The following ABCA4 variants were observed in gnomAD, a reference collection of about 807,000 sequenced individuals.
ABCA4 encodes the protein ATP binding cassette subfamily A member 4, also known as retinal-specific phospholipid-transporting ATPase ABCA4.
In ABCA4, 196 loss-of-function variants were observed where a neutral mutation model predicts 263.7. The ratio of observed to expected loss-of-function variants is 0.74; its 90% CI spans 0.66 to 0.84. ABCA4 has a LOEUF of 0.84. Among genes scored for constraint, ABCA4 ranks in the 40% least tolerant of loss-of-function variants. The probability of loss-of-function intolerance (pLI) is 0.00; values close to 1 mark genes in which losing one functional copy is unlikely to be tolerated. For missense variants in ABCA4, 2,792 were observed against 2,855.1 expected (o/e 0.98, Z 0.50); for synonymous variants, 1,133 against 1,094.2 (o/e 1.04, Z -0.70).
chr1:94,011,085 T>C (rs1659533405), intron 39 of ABCA4, among the ~76,000 whole-genome samples, 156 bp from the exon 40 acceptor site: 1 of 151,784 alleles, frequency 6.6e-6, no homozygotes, highest in African/African-American at 2.4e-5. Context: ...CTCCTGTGGC[T>C]CCCCAGCCAT....
Position 94,001,075 on chromosome 1 carries a change from C to T in ABCA4, c.6313G>A (p.Ala2105Thr), listed in dbSNP as rs749244504. 4 of 1,614,082 alleles carry T rather than the reference C, an allele frequency of 2.5e-6. No homozygotes were observed. In the East Asian group the frequency reaches 6.7e-5, roughly 27 times the overall value. The part of the protein sequence containing the change: ...DEPTTGMDPQ[A>T]RRMLWNVIVS... ...ATGACGTTCCACAGCATGCGGCGTG[C>T]CTGGGGGTCCATCCCTGTGGTGGGC... The change falls in exon 46 of 50, where the codon GCA (alanine) becomes ACA (threonine). Residue 2105 changes from alanine to threonine, a missense_variant. Ala to Thr is a moderately conservative substitution (Grantham distance 58). Transcript: ENST00000370225.
Position 94,074,872 on chromosome 1 carries a change from C to T in ABCA4, c.1554+2818G>A, listed in dbSNP as rs538218779. 9.2e-5 allele frequency among the ~76,000 whole-genome samples: 14 copies of T among 152,210 alleles called. No homozygotes were observed. In the East Asian group the frequency reaches 2.3e-3, roughly 25 times the overall value. ...AATCATTCTACTATAAAAATACATGCACATGTATGTTTACAATTGCAAAGA... is the reference window on the plus strand; with the variant it reads ...AATCATTCTACTATAAAAATACATGTACATGTATGTTTACAATTGCAAAGA... On this transcript the variant is annotated intron_variant, in intron 11 of 49. Transcript: ENST00000370225.
rs550842837 is a variant in ABCA4, at chr1:94,099,067, G to A, written c.571-76C>T. The A allele has an allele frequency of 2.8e-6, 4 of 1,454,428 alleles. No homozygotes were observed. The South Asian group carries it at 3.6e-5, about 13-fold the overall frequency. 90.1% of individuals were successfully genotyped at this position (1,454,428 alleles called of 1,614,324 possible). On this transcript the variant is annotated intron_variant, in intron 5 of 49. Transcript: ENST00000370225. Reference sequence around the variant, plus strand: ...CCCACGTCCTAACCCACAGAACCTGGGAATACCTTGTGTTACATGGCGACA... The same window carrying A: ...CCCACGTCCTAACCCACAGAACCTGAGAATACCTTGTGTTACATGGCGACA...
rs1303376091 is a variant in ABCA4 at position 94,002,011 on chromosome 1, T to A, written c.6148-19A>T. On this transcript the variant is annotated intron_variant, in intron 44 of 49. Transcript: ENST00000370225. ...TTGCAACCTAGGGAAGAGAAAGAAA[T>A]GCCATTTGGAGAAGACAAGCAAACA... 6.2e-7 allele frequency: 1 copy of A among 1,614,070 alleles called. No homozygotes were observed. The highest frequency in any genetic ancestry group is 8.5e-7 in the Non-Finnish European group (1 of 1,180,012).
intron 44 of ABCA4, among the ~76,000 whole-genome samples, chr1:94,004,530 CTG>C (rs1038362923): frequency 2.4e-4 from 37 of 152,310 alleles, no homozygotes; most frequent in African/African-American, 8.4e-4. Context: ...GAGTCAAACA[CTG>C]TGTTCAGCAG....
At chr1:94,066,202 A>T (rs551151468) in intron 11 of ABCA4, among the ~76,000 whole-genome samples, 1 of 152,350 alleles carries the variant, frequency 6.6e-6, no homozygotes, top group Admixed American at 6.5e-5. Context: ...AGTGTTTGTC[A>T]GTACTTAACC....
intron 17 of ABCA4, among the ~76,000 whole-genome samples, chr1:94,050,842 C>A (rs953570199): frequency 6.6e-6 from 1 of 152,176 alleles, no homozygotes; most frequent in Non-Finnish European, 1.5e-5. Context: ...TCAGTGCTTG[C>A]AGGATAAGTC....
chr1:94,007,151 A>G (rs756587815), intron 43 of ABCA4, among the ~76,000 whole-genome samples: 31 of 152,160 alleles, frequency 2.0e-4, no homozygotes, highest in Non-Finnish European at 3.5e-4. Flanking sequence ...CTAGAAACTC[A>G]ACCCAGAGGA....
intron 17 of ABCA4, 49 bp from the exon 18 acceptor site, chr1:94,049,006 G>A (rs772869787): frequency 8.2e-6 from 13 of 1,591,982 alleles, no homozygotes; most frequent in South Asian, 5.5e-5. Context: ...AGCTGAGAAC[G>A]AGCAAAGGCA....
At chr1:94,013,959 A>AT (rs1217468227) in intron 38 of ABCA4, among the ~76,000 whole-genome samples, 1 of 152,066 alleles carries the variant, frequency 6.6e-6, no homozygotes, top group Non-Finnish European at 1.5e-5. Context: ...TAGGAAGGAG[A>AT]TTTTTTCATT....
chr1:94,080,359 A>G, intron 8 of ABCA4, 119 bp downstream of exon 8: 3 of 1,407,380 alleles, frequency 2.1e-6, no homozygotes, highest in Admixed American at 1.7e-5. Context: ...CTCTTTACCT[A>G]AGGCCACTCA....
intron 32 of ABCA4, 151 bp from the exon 33 acceptor site, chr1:94,022,102 T>C (rs1659919643): frequency 1.4e-6 from 1 of 731,656 alleles, no homozygotes; most frequent in Non-Finnish European, 2.4e-6. Context: ...AGCTTTTAAC[T>C]CTTTTCCCAC....
chr1:94,067,248 T>C (rs1661293859), intron 11 of ABCA4, among the ~76,000 whole-genome samples: 1 of 152,210 alleles, frequency 6.6e-6, no homozygotes, highest in Non-Finnish European at 1.5e-5. Context: ...AAAATAAATA[T>C]ATTTTAGTAA....
chr1:94,105,715 T>C (rs1662413524), intron 4 of ABCA4, among the ~76,000 whole-genome samples: 1 of 151,920 alleles, frequency 6.6e-6, no homozygotes, highest in South Asian at 2.1e-4. Context: ...TTAAAGATGA[T>C]TGAGAGACCA....
chr1:94,018,208 TAC>T (rs3838274), intron 36 of ABCA4, among the ~76,000 whole-genome samples: 1 of 152,144 alleles, frequency 6.6e-6, no homozygotes, highest in African/African-American at 2.4e-5. Context: ...CGTGCACACA[TAC>T]ACACACACAG....
chr1:94,061,364 G>A lies in ABCA4; in HGVS notation c.1938-605C>T, dbSNP rs546137915. 102 of 160,178 alleles carry A rather than the reference G, an allele frequency of 6.4e-4. 1 individual carries two copies. The highest frequency in any genetic ancestry group is 1.6e-3 in the East Asian group (9 of 5,544). 9.9% of individuals were successfully genotyped at this position (160,178 alleles called of 1,614,324 possible). On this transcript the variant is annotated intron_variant, in intron 13 of 49. Transcript: ENST00000370225. ...CACCACCAGCCATGCACAGGTGGAG[G>A]AGACCCTGGTATATCCACCTGGCAA...
intron 3 of ABCA4, among the ~76,000 whole-genome samples, chr1:94,109,243 T>A (rs963026308): frequency 3.9e-5 from 6 of 152,228 alleles, no homozygotes; most frequent in Non-Finnish European, 8.8e-5. Flanking sequence ...CAGGGTCTGC[T>A]CGCCTCTCGG....
intron 27 of ABCA4, among the ~76,000 whole-genome samples, chr1:94,031,337 C>G (rs1432569340): frequency 1.3e-5 from 2 of 152,296 alleles, no homozygotes; most frequent in African/African-American, 4.8e-5. Context: ...ACTGAAGAAT[C>G]TGAATGCAGC....
At chr1:94,002,396 G>A (rs1659215979) in intron 44 of ABCA4, among the ~76,000 whole-genome samples, 1 of 152,258 alleles carries the variant, frequency 6.6e-6, no homozygotes, top group Non-Finnish European at 1.5e-5. Flanking sequence ...AAAGCCTTGT[G>A]CATCCGACAC....
Sources: allele counts gnomAD v4.1 joint callset (sites outside exome capture counted in the v4.1 genomes callset), GRCh38; gene constraint gnomAD v4.1.1; transcripts MANE v1.5; gene names NCBI Gene and HGNC (gene_info 2026-07-23, HGNC 2026-07-21).